The following AFF1 variants were observed in gnomAD, a reference collection of about 807,000 sequenced individuals.
The protein encoded by AFF1 is AF4/FMR2 family member 1.
Under a neutral mutation model 121.7 loss-of-function variants are expected in AFF1, and 48 were observed. The ratio of observed to expected loss-of-function variants is 0.39; its 90% CI spans 0.31 to 0.50. AFF1 has a LOEUF of 0.50. Among genes scored for constraint, AFF1 ranks in the 20% least tolerant of loss-of-function variants. The pLI is 0.76. For missense variants in AFF1, 1,523 were observed against 1,511.7 expected (o/e 1.01, Z -0.12); for synonymous variants, 613 against 563.0 (o/e 1.09, Z -1.26).
intron 2 of AFF1, among the ~76,000 whole-genome samples, chr4:87,030,594 C>T (rs116336738): frequency 0.015 from 2,343 of 152,088 alleles, 34 homozygotes; most frequent in Non-Finnish European, 0.024. Context: ...AGGAAATAAG[C>T]GAACAGTTTG....
In AFF1 at chr4:87,017,386, C is replaced by G. The variant is rs1414311963; in HGVS notation, c.39-28780C>G. On this transcript the variant is annotated intron_variant, in intron 2 of 20. Coordinates refer to ENST00000395146, the MANE Select transcript of AFF1 (RefSeq NM_001166693.3). ...TTATATGTGATCTTAAAACACCGCT[C>G]ATTTTCCCCCATATACAGTTCTTTA... Among the ~76,000 whole-genome samples the G allele has an allele frequency of 2.0e-5, 3 of 152,058 alleles. 1 individual carries two copies. The highest frequency in any genetic ancestry group is 4.4e-5 in the Non-Finnish European group (3 of 68,016).
In AFF1 at chr4:87,096,298, C is replaced by CT. The variant is rs10593271; in HGVS notation, c.1283+1351dup. ...GTAAAATGTTACCTTTTGTTATTCC[C>CT]TTTTTTTTTTTTTTTTTTTTTTGGA... On this transcript the variant is annotated intron_variant, in intron 8 of 20. Transcript: ENST00000395146. Among the ~76,000 whole-genome samples, 129 of 57,046 alleles carry CT rather than the reference C, an allele frequency of 2.3e-3. 1 individual carries two copies. The highest frequency in any genetic ancestry group is 3.3e-3 in the East Asian group (6 of 1,826). The allele number at this position is 57,046 out of a possible 152,430, so 37.4% of individuals were successfully genotyped here. A position where few individuals can be genotyped will look rare whatever the true frequency, so the allele number is the denominator to read the frequency against.
chr4:86,995,697 C>T (rs1725100294), intron 2 of AFF1, among the ~76,000 whole-genome samples: 1 of 151,788 alleles, frequency 6.6e-6, no homozygotes, highest in Admixed American at 6.6e-5. Flanking sequence ...CTTGGCCTCC[C>T]AAAGTGCCGA....
At chr4:86,958,789 T>C (rs959573507) in intron 2 of AFF1, among the ~76,000 whole-genome samples, 10 of 152,210 alleles carry the variant, frequency 6.6e-5, no homozygotes, top group Non-Finnish European at 1.5e-4. Context: ...AAAGTTCACA[T>C]ATTGCATTAG....
intron 4 of AFF1, among the ~76,000 whole-genome samples, chr4:87,065,615 T>TG (rs1176311871): frequency 6.6e-6 from 1 of 152,128 alleles, no homozygotes; most frequent in East Asian, 1.9e-4. Flanking sequence ...GACCGAAGTT[T>TG]GGGAAAAACT....
chr4:87,072,273 G>A (rs2149679734), intron 4 of AFF1, among the ~76,000 whole-genome samples: 1 of 148,924 alleles, frequency 6.7e-6, no homozygotes, highest in East Asian at 2.0e-4. Context: ...TGAGGCAGGA[G>A]AATGGCGTGA....
intron 2 of AFF1, among the ~76,000 whole-genome samples, chr4:87,007,766 C>T (rs79443458): frequency 0.045 from 6,793 of 152,152 alleles, 494 homozygotes; most frequent in African/African-American, 0.15. Context: ...GTGCGCCTAC[C>T]CCTCGGTTTT....
chr4:87,088,241 C>G (rs1434354726), intron 5 of AFF1, among the ~76,000 whole-genome samples: 1 of 152,128 alleles, frequency 6.6e-6, no homozygotes, highest in African/African-American at 2.4e-5. Context: ...CCTGTTGTGT[C>G]CTGAACAAAG....
At chr4:86,973,826 A>C (rs978650799) in intron 2 of AFF1, 1 of 142,960 alleles carries the variant, frequency 7.0e-6, no homozygotes, top group Non-Finnish European at 1.5e-5. Context: ...CCTTCATGCC[A>C]CAGATACTTA....
At chr4:87,092,172 A>G (rs1560616565) in intron 7 of AFF1, among the ~76,000 whole-genome samples, 1 of 152,144 alleles carries the variant, frequency 6.6e-6, no homozygotes, top group African/African-American at 2.4e-5. Context: ...GGTCCCAGCT[A>G]CTTGGGAGGC....
At chr4:87,125,828 C>T in intron 13 of AFF1, among the ~76,000 whole-genome samples, 1 of 152,184 alleles carries the variant, frequency 6.6e-6, no homozygotes, top group East Asian at 1.9e-4. Flanking sequence ...GGTTGGGAAG[C>T]AGCTGAAGCA....
chr4:87,110,405 C>T (rs541627534), intron 11 of AFF1, among the ~76,000 whole-genome samples: 13 of 151,804 alleles, frequency 8.6e-5, no homozygotes, highest in Non-Finnish European at 1.6e-4. Flanking sequence ...TACAGTCACC[C>T]TGTTGTGCTG....
chr4:86,996,546 CACCACTCCCTA>C (rs1725220057), intron 2 of AFF1, among the ~76,000 whole-genome samples: 1 of 150,876 alleles, frequency 6.6e-6, no homozygotes, highest in Non-Finnish European at 1.5e-5. Flanking sequence ...TAAGAGTCAT[CACCACTCCCTA>C]ATCTCAAGTA....
intron 12 of AFF1, among the ~76,000 whole-genome samples, chr4:87,119,996 C>T (rs139104296): frequency 6.6e-6 from 1 of 152,138 alleles, no homozygotes; most frequent in African/African-American, 2.4e-5. Flanking sequence ...AGTTATCGTT[C>T]AAAATGAAAG....
chr4:87,103,479 A>T (rs191196562), intron 8 of AFF1, among the ~76,000 whole-genome samples: 1 of 152,318 alleles, frequency 6.6e-6, no homozygotes, highest in East Asian at 1.9e-4. Context: ...ATCATTTCTG[A>T]GTGTTTCTTT....
At chr4:86,990,729 T>G (rs1724634660) in intron 2 of AFF1, among the ~76,000 whole-genome samples, 1 of 152,242 alleles carries the variant, frequency 6.6e-6, no homozygotes, top group Non-Finnish European at 1.5e-5. Flanking sequence ...ATGGTGTGTT[T>G]CCCAGGAACT....
chr4:87,012,307 A>G (rs1244970588), intron 2 of AFF1, among the ~76,000 whole-genome samples: 1 of 148,538 alleles, frequency 6.7e-6, no homozygotes, highest in Non-Finnish European at 1.5e-5. Flanking sequence ...AACTCCTGAC[A>G]TCAGGTTTCT....
intron 2 of AFF1, among the ~76,000 whole-genome samples, chr4:87,044,234 T>C (rs1301086945): frequency 6.6e-6 from 1 of 152,236 alleles, no homozygotes; most frequent in Admixed American, 6.5e-5. Context: ...TTTTAGATGA[T>C]TTTTTAAAAT....
At chr4:86,994,889 G>A (rs1372323697) in intron 2 of AFF1, among the ~76,000 whole-genome samples, 2 of 152,104 alleles carry the variant, frequency 1.3e-5, no homozygotes, top group Non-Finnish European at 2.9e-5. Flanking sequence ...AGGTTTGGTG[G>A]ATGATAAGGC....
Sources: allele counts gnomAD v4.1 joint callset (sites outside exome capture counted in the v4.1 genomes callset), GRCh38; gene constraint gnomAD v4.1.1; transcripts MANE v1.5; gene names NCBI Gene and HGNC (gene_info 2026-07-23, HGNC 2026-07-21).